MGA: variants seen among roughly 807,000 people sequenced by gnomAD.
MGA encodes MAX gene-associated protein.
In MGA, 40 loss-of-function variants were observed where a neutral mutation model predicts 261.1. The ratio of observed to expected loss-of-function variants is 0.15; its 90% confidence interval spans 0.12 to 0.20. The LOEUF is 0.20. MGA is among the 10% of genes least tolerant of loss of function. The pLI is 1.00. For missense variants in MGA, 3,397 were observed against 3,630.5 expected (o/e 0.94, Z 1.65); for synonymous variants, 1,302 against 1,290.6 (o/e 1.01, Z -0.19).
intron 13 of MGA, among the ~76,000 whole-genome samples, chr15:41,738,800 A>G (rs895501321): frequency 1.3e-5 from 2 of 152,208 alleles, no homozygotes; most frequent in African/African-American, 2.4e-5. Flanking sequence ...AAGTTACAGT[A>G]AAGTCTACTT....
At chr15:41,633,189 TC>T (rs1191197761) in intron 1 of MGA, among the ~76,000 whole-genome samples, 2 of 151,874 alleles carry the variant, frequency 1.3e-5, no homozygotes, top group Non-Finnish European at 2.9e-5. Flanking sequence ...GACCTTGTGA[TC>T]CCCCCTGCCT....
intron 5 of MGA, among the ~76,000 whole-genome samples, chr15:41,704,377 C>T (rs1595794780): frequency 6.6e-6 from 1 of 151,914 alleles, no homozygotes; most frequent in Non-Finnish European, 1.5e-5. Flanking sequence ...TAGTGATTAG[C>T]GGCCAGGCGC....
At chr15:41,724,666 CAG>C (rs2061132671) in intron 9 of MGA, among the ~76,000 whole-genome samples, 1 of 152,120 alleles carries the variant, frequency 6.6e-6, no homozygotes, top group Non-Finnish European at 1.5e-5. Flanking sequence ...GCCTGGGTGA[CAG>C]AGTCTCAAAT....
At chr15:41,735,526 A>G (rs2061727741) in intron 12 of MGA, among the ~76,000 whole-genome samples, 1 of 152,182 alleles carries the variant, frequency 6.6e-6, no homozygotes, top group South Asian at 2.1e-4. Context: ...TCATGAGGTC[A>G]AGAGATCCAA....
Position 41,727,378 on chromosome 15 carries a change from G to A in MGA, c.3629G>A (p.Arg1210Gln), listed in dbSNP as rs2061306121. Residue 1210 changes from arginine to glutamine, a missense_variant, in exon 10 of 24, where the codon CGG becomes CAG. This residue lies in a region of MGA where 519 missense variants were observed against 554.1 expected (regional missense o/e 0.94). Transcript: ENST00000219905. ...CTGCTCACTGGAATTAAATCTCCAC[G>A]GTCATATACTCCCAAACCCAATCCT... 5.6e-6 allele frequency: 9 copies of A among 1,613,790 alleles called. No individual in the cohort carries two copies. The highest frequency in any genetic ancestry group is 2.2e-5 in the South Asian group (2 of 91,074).
chr15:41,640,799 G>A (rs1397659322), intron 1 of MGA, among the ~76,000 whole-genome samples: 7 of 152,206 alleles, frequency 4.6e-5, no homozygotes. Flanking sequence ...TTATAGGCGT[G>A]AGCCACTGCG....
rs575734542 is a variant in MGA, at chr15:41,696,576, A to G, written c.1566A>G (p.Leu522=). 1.6e-5 allele frequency: 26 copies of G among 1,614,004 alleles called. No individual in the cohort carries two copies. The African/African-American group carries it at 3.5e-4, about 21-fold the overall frequency. ...ATTCCAATGAGACTGCCTTCTGCTT[A>G]GGCAAGGAATCAGAAAATGGTCTTA... Residue 522 remains leucine, a synonymous_variant, in exon 3 of 24, where the codon TTA becomes TTG. Coordinates refer to ENST00000219905, the MANE Select transcript of MGA (RefSeq NM_001164273.2).
intron 9 of MGA, among the ~76,000 whole-genome samples, chr15:41,722,556 G>C (rs993460479): frequency 3.3e-5 from 5 of 152,100 alleles, no homozygotes; most frequent in African/African-American, 9.7e-5. Flanking sequence ...ATTGAGAAAG[G>C]GTTCTGGAAT....
At chr15:41,628,639 G>C (rs1389522532) in intron 1 of MGA, among the ~76,000 whole-genome samples, 2 of 151,882 alleles carry the variant, frequency 1.3e-5, no homozygotes, top group Non-Finnish European at 2.9e-5. Flanking sequence ...AGAGTTGGGA[G>C]AGTGCTGGGG....
intron 1 of MGA, among the ~76,000 whole-genome samples, chr15:41,649,379 CAAAAA>C (rs35806439): frequency 7.3e-6 from 1 of 136,178 alleles, no homozygotes; most frequent in African/African-American, 2.7e-5. Flanking sequence ...GAGACTGTCT[CAAAAA>C]AAAAAAAAAA....
intron 1 of MGA, among the ~76,000 whole-genome samples, chr15:41,668,093 C>T (rs1274432377): frequency 2.0e-5 from 3 of 151,948 alleles, no homozygotes; most frequent in Non-Finnish European, 4.4e-5. Context: ...TGTGAGCCAC[C>T]ACACCTGGCA....
At chr15:41,763,723 A>G (rs2063630824) in intron 22 of MGA, among the ~76,000 whole-genome samples, 2 of 152,080 alleles carry the variant, frequency 1.3e-5, no homozygotes, top group South Asian at 2.1e-4. Context: ...AGCCTGGGCA[A>G]CAAGCACGAA....
At chr15:41,625,164 C>G (rs1281245288) in intron 1 of MGA, among the ~76,000 whole-genome samples, 2 of 152,048 alleles carry the variant, frequency 1.3e-5, no homozygotes, top group East Asian at 1.9e-4. Flanking sequence ...AGGAGCTGTT[C>G]TACTAAGCAT....
intron 1 of MGA, among the ~76,000 whole-genome samples, chr15:41,631,259 T>C (rs534127071): frequency 1.2e-4 from 19 of 152,350 alleles, no homozygotes; most frequent in African/African-American, 4.1e-4. Context: ...TTTTCTCTTA[T>C]CCTTTAACGT....
intron 5 of MGA, among the ~76,000 whole-genome samples, chr15:41,700,963 A>C (rs984959820): frequency 2.8e-4 from 43 of 152,190 alleles, no homozygotes; most frequent in African/African-American, 1.0e-3. Context: ...ATACTTGAAG[A>C]ATTTTTGCTT....
intron 2 of MGA, among the ~76,000 whole-genome samples, chr15:41,672,499 T>C (rs1032288363): frequency 2.6e-5 from 4 of 152,206 alleles, no homozygotes; most frequent in African/African-American, 9.7e-5. Flanking sequence ...GGATTACATA[T>C]GGTTAAGCCT....
At chr15:41,697,987 G>A (rs1403258275) in intron 3 of MGA, among the ~76,000 whole-genome samples, 1 of 151,940 alleles carries the variant, frequency 6.6e-6, no homozygotes, top group Non-Finnish European at 1.5e-5. Context: ...CCCTGCCTCA[G>A]ACTCCCGAGT....
intron 15 of MGA, 68 bp from the exon 16 acceptor site, chr15:41,748,569 A>G: frequency 6.7e-7 from 1 of 1,493,576 alleles, no homozygotes; most frequent in Non-Finnish European, 9.0e-7. Flanking sequence ...AAATATTATG[A>G]ATACTTTTTT....
chr15:41,726,089 C>T (rs928815200), intron 9 of MGA, among the ~76,000 whole-genome samples: 1 of 152,084 alleles, frequency 6.6e-6, no homozygotes, highest in Non-Finnish European at 1.5e-5. Context: ...GGTTTCATTG[C>T]GTCTATATTG....
Sources: gnomAD v4.1 joint callset for allele counts (sites outside exome capture counted in the v4.1 genomes callset) on GRCh38, gnomAD v4.1.1 for gene constraint, gnomAD v4.1.1 regional missense constraint, MANE v1.5 for transcripts, NCBI Gene and HGNC (gene_info 2026-07-23, HGNC 2026-07-21) for gene names.